ARHGEF9: variants seen among roughly 807,000 people sequenced by gnomAD.
The protein encoded by ARHGEF9 is Cdc42 guanine nucleotide exchange factor 9.
ARHGEF9 carries 2 observed loss-of-function variants against 41.3 expected under a neutral mutation model. The ratio of observed to expected loss-of-function variants is 0.05; its 90% confidence interval spans 0.02 to 0.15. The LOEUF is 0.15. Ranked by LOEUF, ARHGEF9 falls within the 10% of genes least tolerant of loss-of-function variation. ARHGEF9 has a pLI of 1.00. For synonymous variants in ARHGEF9, 160 were observed against 154.4 expected (o/e 1.04, Z -0.27); for missense variants, 225 against 424.7 (o/e 0.53, Z 4.13).
chrX:63,775,068 G>GA (rs1457173457), intron 1 of ARHGEF9, among the ~76,000 whole-genome samples: 1 of 112,280 alleles, frequency 8.9e-6, no homozygotes, highest in African/African-American at 3.2e-5. Flanking sequence ...AGAAGCATAT[G>GA]AAAAAATATT....
At chrX:63,715,445 G>T (rs782640211) in intron 2 of ARHGEF9, among the ~76,000 whole-genome samples, 1 of 96,209 alleles carries the variant, frequency 1.0e-5, no homozygotes, top group Admixed American at 1.1e-4. Context: ...ATTTAGAAAA[G>T]AAAAAAAAAA....
chrX:63,730,825 G>A (rs1404782994), intron 1 of ARHGEF9, among the ~76,000 whole-genome samples: 1 of 111,731 alleles, frequency 9.0e-6, no homozygotes, highest in Non-Finnish European at 1.9e-5. Context: ...TCTGCAAAAG[G>A]GTATTTGGGG....
intron 8 of ARHGEF9, among the ~76,000 whole-genome samples, chrX:63,654,381 T>C (rs1556333343): frequency 9.0e-6 from 1 of 111,481 alleles, no homozygotes; most frequent in African/African-American, 3.3e-5. Flanking sequence ...CTAGGCAAGG[T>C]CAGTGGCTGC....
At chrX:63,755,355 A>G in intron 1 of ARHGEF9, 1 of 576,228 alleles carries the variant, frequency 1.7e-6, no homozygotes. Context: ...ACCAGCCACC[A>G]GTTCTGGTTT....
chrX:63,725,506 G>A (rs1470754687), intron 1 of ARHGEF9, among the ~76,000 whole-genome samples: 11 of 112,019 alleles, frequency 9.8e-5, no homozygotes, highest in South Asian at 7.5e-4. Flanking sequence ...TGGAATGCAC[G>A]CTAACCCTGC....
At chrX:63,682,380 T>A (rs1352826984) in intron 4 of ARHGEF9, among the ~76,000 whole-genome samples, 1 of 109,602 alleles carries the variant, frequency 9.1e-6, no homozygotes, top group Admixed American at 9.7e-5. Context: ...CCAGGCGTGG[T>A]GGCGGGCGCC....
intron 1 of ARHGEF9, among the ~76,000 whole-genome samples, chrX:63,778,163 G>A (rs1474924828): frequency 8.9e-6 from 1 of 112,466 alleles, no homozygotes; most frequent in Non-Finnish European, 1.9e-5. Flanking sequence ...TGAAATCTAG[G>A]CAGACTTTCT....
chrX:63,743,902 C>T (rs1235221576), intron 1 of ARHGEF9, among the ~76,000 whole-genome samples: 1 of 111,801 alleles, frequency 8.9e-6, no homozygotes, highest in Non-Finnish European at 1.9e-5. Context: ...TAAAAGAAAG[C>T]TTATTTAAAA....
chrX:63,736,744 G>A (rs1208190892), intron 1 of ARHGEF9, among the ~76,000 whole-genome samples: 1 of 111,726 alleles, frequency 9.0e-6, no homozygotes, highest in African/African-American at 3.3e-5. Context: ...TCTGTGAAAT[G>A]ACAGATATGC....
chrX:63,687,162 A>C (rs1158760886), intron 4 of ARHGEF9, among the ~76,000 whole-genome samples: 2 of 111,841 alleles, frequency 1.8e-5, no homozygotes, highest in African/African-American at 6.5e-5. Context: ...ATCACGTTGC[A>C]GGAAGCACAC....
At chrX:63,703,820 CAAG>C (rs1219561064) in intron 3 of ARHGEF9, among the ~76,000 whole-genome samples, 1 of 111,392 alleles carries the variant, frequency 9.0e-6, no homozygotes, top group African/African-American at 3.3e-5. Flanking sequence ...AGAGAAGTCT[CAAG>C]AAGATGATAT....
chrX:63,704,538 C>T (rs2052402699), intron 3 of ARHGEF9, among the ~76,000 whole-genome samples: 2 of 111,154 alleles, frequency 1.8e-5, no homozygotes, highest in Admixed American at 1.9e-4. Context: ...TTAGCATCAG[C>T]CATTGATGTG....
chrX:63,766,808 T>A, intron 1 of ARHGEF9: 1 of 264,147 alleles, frequency 3.8e-6, no homozygotes, highest in Non-Finnish European at 6.9e-6. Flanking sequence ...TAACCTCAGC[T>A]GAGCCATCCA....
intron 4 of ARHGEF9, among the ~76,000 whole-genome samples, chrX:63,681,314 A>G (rs1429800637): frequency 8.9e-6 from 1 of 111,966 alleles, no homozygotes; most frequent in African/African-American, 3.2e-5. Context: ...TCTAAAGCAC[A>G]CATGGAATAC....
chrX:63,717,763 AT>A (rs1193603837), intron 2 of ARHGEF9, among the ~76,000 whole-genome samples: 2 of 111,944 alleles, frequency 1.8e-5, no homozygotes, highest in Non-Finnish European at 3.8e-5. Context: ...CTCTTCCTGT[AT>A]TTTGTTTAGT....
chrX:63,635,173 G>GC lies in ARHGEF9; in HGVS notation c.*2854dup. The GC allele has an allele frequency of 2.4e-5, 6 of 249,115 alleles. No individual in the cohort carries two copies. Among genetic ancestry groups the GC allele is most frequent in the East Asian group, 1.4e-4 (1 of 7,392 alleles). The allele number at this position is 249,115 out of a possible 1,213,427, so 20.5% of individuals were successfully genotyped here. A position where few individuals can be genotyped will look rare whatever the true frequency, so the allele number is the denominator to read the frequency against. On this transcript the variant is annotated 3_prime_UTR_variant, in exon 10 of 10. Transcript: ENST00000671741. Reference sequence around the variant, plus strand: ...CACTGTTGCCCATCCATCCACCCCAGCCCACCCCATCCCCAAAGCACTAAA... The same window carrying GC: ...CACTGTTGCCCATCCATCCACCCCAGCCCCACCCCATCCCCAAAGCACTAAA...
At chrX:63,698,782 T>C (rs1390564737) in intron 3 of ARHGEF9, among the ~76,000 whole-genome samples, 4 of 112,107 alleles carry the variant, frequency 3.6e-5, no homozygotes, top group African/African-American at 1.3e-4. Context: ...CTTTAAATAG[T>C]TGGCAAATTA....
At chrX:63,694,040 G>C (rs1556384765) in intron 4 of ARHGEF9, among the ~76,000 whole-genome samples, 3 of 110,545 alleles carry the variant, frequency 2.7e-5, no homozygotes, top group Non-Finnish European at 3.8e-5. Flanking sequence ...AAAATTAGCT[G>C]GGTGTAATGG....
At chrX:63,754,062 T>C (rs2055822408) in intron 1 of ARHGEF9, among the ~76,000 whole-genome samples, 2 of 112,111 alleles carry the variant, frequency 1.8e-5, no homozygotes, top group Non-Finnish European at 3.8e-5. Flanking sequence ...TAAAATTCCC[T>C]GATGGAGTTT....
Sources: gnomAD v4.1 joint callset for allele counts (sites outside exome capture counted in the v4.1 genomes callset) on GRCh38, gnomAD v4.1.1 for gene constraint, MANE v1.5 for transcripts, NCBI Gene and HGNC (gene_info 2026-07-23, HGNC 2026-07-21) for gene names.